Variants in GAA observed in about 807,000 individuals in gnomAD.
The protein encoded by GAA is lysosomal alpha-glucosidase.
A neutral mutation model predicts 103.9 loss-of-function variants in GAA; 88 were observed. That is an observed-to-expected ratio of 0.85 (90% CI 0.71 to 1.01). The LOEUF (loss-of-function observed/expected upper bound fraction) is 1.01, where lower values mean the gene tolerates loss of function less well. Ranked by LOEUF, GAA falls within the 50% of genes least tolerant of loss-of-function variation. The pLI, the probability that GAA is intolerant of heterozygous loss-of-function variation, is 0.00. For missense variants in GAA, 1,350 were observed against 1,305.3 expected (o/e 1.03, Z -0.53); for synonymous variants, 572 against 563.1 (o/e 1.02, Z -0.22).
chr17:80,117,654 C>G lies in GAA; in HGVS notation c.2386C>G (p.Pro796Ala). Residue 796 changes from proline to alanine, a missense_variant, in exon 17 of 20, where the codon CCA becomes GCA. Physicochemically the swap from Pro to Ala is conservative, Grantham distance 27. Transcript: ENST00000302262. ...LPPPPAAPRE[P>A]AIHSEGQWVT... ...ACCCCCACCTGCAGCTCCCCGTGAG[C>G]CAGCCATCCACAGCGAGGGGCAGTG... 1 of 1,612,838 alleles carries G rather than the reference C, an allele frequency of 6.2e-7. No homozygotes were observed. The highest frequency in any genetic ancestry group is 8.5e-7 in the Non-Finnish European group (1 of 1,179,926).
chr17:80,116,028 T>C (rs2039347422), intron 15 of GAA, among the ~76,000 whole-genome samples: 1 of 152,204 alleles, frequency 6.6e-6, no homozygotes, highest in South Asian at 2.1e-4. Flanking sequence ...GTCCTAAAAA[T>C]GTCAACTCTG....
intron 3 of GAA, among the ~76,000 whole-genome samples, chr17:80,106,265 G>A (rs758647735): frequency 6.6e-6 from 1 of 152,182 alleles, no homozygotes; most frequent in Non-Finnish European, 1.5e-5. Flanking sequence ...CCTCCGTGCC[G>A]GGTGGTTTGG....
At chr17:80,111,134 G>GGT in intron 11 of GAA, 109 bp downstream of exon 11, 1 of 913,840 alleles carries the variant, frequency 1.1e-6, no homozygotes. Context: ...GGCCAGCGGG[G>GGT]AAAGGGGCGG....
In GAA at chr17:80,104,486, G is replaced by A; in HGVS notation, c.-32-69G>A. The A allele has an allele frequency of 8.4e-7, 1 of 1,184,314 alleles. No homozygotes were observed. The highest frequency in any genetic ancestry group is 1.5e-5 in the South Asian group (1 of 66,370). The allele number at this position is 1,184,314 out of a possible 1,614,324, so 73.4% of individuals were successfully genotyped here. On this transcript the variant is annotated intron_variant, in intron 1 of 19. Transcript: ENST00000302262. The surrounding 1 kb of genome is among the most constrained non-coding windows in gnomAD (Gnocchi z 4.0). ...TGCCAGCCGCGGTTGATGTCTCAGA[G>A]CTGCTTTGAGAGCCCCGTGAGTGCC...
intron 6 of GAA, 24 bp downstream of exon 6, chr17:80,108,433 GC>G: frequency 6.2e-7 from 1 of 1,613,112 alleles, no homozygotes; most frequent in Non-Finnish European, 8.5e-7. Context: ...CCTGGCCGCG[GC>G]CCCCGCCCCA....
At position 80,104,645 on chromosome 17, in the gene GAA, C is replaced by T. The variant is rs752449306; in HGVS notation, c.59C>T (p.Ser20Phe). The part of the protein sequence containing the change: ...HRLLAVCALV[S>F]LATAALLGHI... The stretch of plus-strand genomic sequence containing the variant: ...CTCCTGGCCGTCTGCGCCCTCGTGT[C>T]CTTGGCAACCGCTGCACTCCTGGGG... The change falls in exon 2 of 20, where the codon TCC becomes TTC. Residue 20 changes from serine to phenylalanine, a missense_variant. By Grantham distance (155) the Ser-to-Phe change is radical (BLOSUM62 -2). Coordinates refer to ENST00000302262, the MANE Select transcript of GAA (RefSeq NM_000152.5). This position sits in a 1 kb window ranked among gnomAD's most constrained non-coding sequence, Gnocchi z 4.0. 1 of 1,613,278 alleles carries T rather than the reference C, an allele frequency of 6.2e-7. No homozygotes were observed. The highest frequency in any genetic ancestry group is 1.7e-5 in the Admixed American group (1 of 60,020).
chr17:80,109,735 G>A (rs992919760), intron 8 of GAA, among the ~76,000 whole-genome samples: 16 of 152,236 alleles, frequency 1.1e-4, no homozygotes, highest in South Asian at 1.0e-3. Context: ...CCATTCCGGC[G>A]CGCCCCTCAT....
intron 3 of GAA, among the ~76,000 whole-genome samples, chr17:80,107,317 G>A (rs1157302452): frequency 6.6e-6 from 1 of 152,188 alleles, no homozygotes; most frequent in Admixed American, 6.5e-5. Context: ...CAGGGGTGGT[G>A]TGGGCCCAGC....
chr17:80,116,820 C>A, intron 15 of GAA, 148 bp from the exon 16 acceptor site: 1 of 799,960 alleles, frequency 1.3e-6, no homozygotes, highest in Non-Finnish European at 2.1e-6. Flanking sequence ...TCATCCCTGC[C>A]CGTCTGACCT....
intron 5 of GAA, 36 bp from the exon 6 acceptor site, chr17:80,108,254 A>G (rs2039140874): frequency 6.2e-7 from 1 of 1,613,184 alleles, no homozygotes; most frequent in East Asian, 2.2e-5. Flanking sequence ...CAAGTGAAGA[A>G]TCTGTCCCCC....
At chr17:80,105,936 G>C (rs758966045) in intron 3 of GAA, 42 bp downstream of exon 3, 29 of 1,558,024 alleles carry the variant, frequency 1.9e-5, no homozygotes, top group Non-Finnish European at 2.3e-5. Context: ...GGAGGGCGAC[G>C]CGCATTTCTC....
rs905161592 is a variant in GAA, at chr17:80,118,704, C to T, written c.2698C>T (p.Gln900Ter). 3.1e-6 allele frequency: 5 copies of T among 1,613,184 alleles called. No homozygotes were observed. Among genetic ancestry groups the T allele is most frequent in the Non-Finnish European group, 4.2e-6 (5 of 1,179,992 alleles). The change falls in exon 19 of 20, where the codon CAG becomes TAG. Residue 900 changes from glutamine (Q) to a stop codon, truncating the protein, a stop_gained. Coordinates refer to ENST00000302262, the MANE Select transcript of GAA (RefSeq NM_000152.5). LOFTEE classifies it high-confidence loss of function. ...VRVTSEGAGLQLQKVTVLGVA... is the reference protein window; with the variant it reads ...VRVTSEGAGL The stretch of plus-strand genomic sequence containing the variant: ...TGTGACCAGTGAGGGAGCTGGCCTG[C>T]AGCTGCAGAAGGTGACTGTCCTGGG...
In GAA at chr17:80,112,951, A is replaced by G. The variant is rs1269689890; in HGVS notation, c.1964A>G (p.Glu655Gly). The part of the protein sequence containing the change: ...DVCGFLGNTS[E>G]ELCVRWTQLG... ...TGCGGCTTCCTGGGCAACACCTCAG[A>G]GGAGCTGTGTGTGCGCTGGACCCAG... The change falls in exon 14 of 20, where the codon GAG (glutamate) becomes GGG (glycine). Residue 655 changes from glutamate (E) to glycine (G), a missense_variant. Transcript: ENST00000302262. 2 of 1,610,684 alleles carry G rather than the reference A, an allele frequency of 1.2e-6. No homozygotes were observed. Among genetic ancestry groups the G allele is most frequent in the Admixed American group, 1.7e-5 (1 of 59,758 alleles).
intron 16 of GAA, 92 bp downstream of exon 16, chr17:80,117,201 G>T: frequency 7.2e-7 from 1 of 1,391,248 alleles, no homozygotes; most frequent in Non-Finnish European, 1.0e-6. Context: ...ACCAGGTGGC[G>T]GAAAGAGGAA....
chr17:80,109,811 A>G, intron 8 of GAA, 134 bp from the exon 9 acceptor site: 1 of 671,200 alleles, frequency 1.5e-6, no homozygotes, highest in Non-Finnish European at 2.6e-6. Flanking sequence ...AGGCATGTGC[A>G]GGTACACAGG....
At position 80,103,898 on chromosome 17, in the gene GAA, G is replaced by A. The variant is rs144762470; in HGVS notation, c.-32-657G>A. Among the ~76,000 whole-genome samples the A allele has an allele frequency of 2.5e-4, 38 of 152,264 alleles. No homozygotes were observed. The East Asian group carries it at 6.6e-3, about 26-fold the overall frequency. On this transcript the variant is annotated intron_variant, in intron 1 of 19. Transcript: ENST00000302262. ...GAAAGGGAGCAAGGAAAGGTACTGG[G>A]TCCCCCTAAGGACATACGAGTTGCC...
chr17:80,108,188 G>A, intron 5 of GAA, 102 bp from the exon 6 acceptor site: 1 of 1,594,992 alleles, frequency 6.3e-7, no homozygotes, highest in Non-Finnish European at 8.6e-7. Context: ...TCCTCGTGGG[G>A]AGAGAGCCTC....
rs186888654 is a variant in GAA, at chr17:80,103,913, T to C, written c.-32-642T>C. 4.2e-3 allele frequency among the ~76,000 whole-genome samples: 643 copies of C among 152,264 alleles called. 1 individual carries two copies. Among genetic ancestry groups the C allele is most frequent in the Non-Finnish European group, 7.1e-3 (482 of 68,018 alleles). ...AAGGTACTGGGTCCCCCTAAGGACA[T>C]ACGAGTTGCCAGAATCACTTCCGCT... On this transcript the variant is annotated intron_variant, in intron 1 of 19. Transcript: ENST00000302262.
intron 18 of GAA, 24 bp from the exon 19 acceptor site, chr17:80,118,629 T>C: frequency 6.2e-7 from 1 of 1,610,734 alleles, no homozygotes; most frequent in Non-Finnish European, 8.5e-7. Context: ...TCTCTGCCTT[T>C]TCATCTCTCT....
Sources: gnomAD v4.1 joint callset for allele counts (sites outside exome capture counted in the v4.1 genomes callset) on GRCh38, gnomAD v4.1.1 for gene constraint, Gnocchi (gnomAD v3.1) non-coding constraint, MANE v1.5 for transcripts, NCBI Gene and HGNC (gene_info 2026-07-23, HGNC 2026-07-21) for gene names.